The following CAMSAP1 variants were observed in gnomAD, a reference collection of about 807,000 sequenced individuals.
The protein encoded by CAMSAP1 is calmodulin regulated spectrin associated protein 1.
CAMSAP1 carries 58 observed loss-of-function variants against 143.5 expected under a neutral mutation model. The observed-to-expected ratio is 0.40, with a 90% CI of 0.33 to 0.50. CAMSAP1 has a LOEUF of 0.50. Among genes scored for constraint, CAMSAP1 ranks in the 20% least tolerant of loss-of-function variants. The pLI, the probability that CAMSAP1 is intolerant of heterozygous loss-of-function variation, is 0.45. For missense variants in CAMSAP1, 1,969 were observed against 2,115.7 expected, an observed-to-expected ratio of 0.93 and a Z score of 1.36; for synonymous variants, 945 against 859.3, an observed-to-expected ratio of 1.10 and a Z score of -1.74.
intron 5 of CAMSAP1, among the ~76,000 whole-genome samples, chr9:135,855,319 C>T (rs1469766153): frequency 6.6e-6 from 1 of 152,160 alleles, no homozygotes; most frequent in Non-Finnish European, 1.5e-5. Flanking sequence ...AGTGAGAACA[C>T]GCAGTATTTG....
At chr9:135,856,694 C>G (rs964340636) in intron 5 of CAMSAP1, among the ~76,000 whole-genome samples, 12 of 152,232 alleles carry the variant, frequency 7.9e-5, no homozygotes, top group Non-Finnish European at 4.4e-5. Context: ...AGTCTCTATA[C>G]ACCATAACTA....
chr9:135,866,075 G>A (rs574951352), intron 4 of CAMSAP1, among the ~76,000 whole-genome samples: 1 of 152,322 alleles, frequency 6.6e-6, no homozygotes, highest in Non-Finnish European at 1.5e-5. Flanking sequence ...CACCAGCTAC[G>A]CTGTACCTCA....
At chr9:135,901,915 C>T (rs934707790) in intron 1 of CAMSAP1, among the ~76,000 whole-genome samples, 3 of 152,222 alleles carry the variant, frequency 2.0e-5, no homozygotes, top group African/African-American at 7.2e-5. Flanking sequence ...CTACTCAGTA[C>T]ACCCGAAGAC....
intron 7 of CAMSAP1, among the ~76,000 whole-genome samples, chr9:135,835,887 G>T (rs993019036): frequency 1.3e-5 from 2 of 152,174 alleles, no homozygotes; most frequent in Admixed American, 6.5e-5. Flanking sequence ...GATTGAGGCA[G>T]GAGAATCACT....
At chr9:135,899,982 C>T (rs753356971) in intron 1 of CAMSAP1, among the ~76,000 whole-genome samples, 18 of 152,156 alleles carry the variant, frequency 1.2e-4, no homozygotes, top group Middle Eastern at 3.2e-3. Flanking sequence ...GAAAAGGATA[C>T]GAAGGGCCCC....
In CAMSAP1 at chr9:135,827,455, G is replaced by A. The variant is rs190319260; in HGVS notation, c.1175C>T (p.Ala392Val). 6.0e-5 allele frequency: 96 copies of A among 1,602,248 alleles called. No homozygotes were observed. In the East Asian group the frequency reaches 1.8e-3, roughly 30 times the overall value. Residue 392 changes from alanine to valine, a missense_variant, in exon 8 of 17, where the codon GCG (alanine) becomes GTG (valine). Ala to Val is a moderately conservative substitution (Grantham distance 64). This residue lies in a region of CAMSAP1 where 1,390 missense variants were observed against 1,420.8 expected (regional missense o/e 0.98). Coordinates refer to ENST00000389532, the MANE Select transcript of CAMSAP1 (RefSeq NM_015447.4). ...AELQPPVQLP[A>V]EGCHRHYLHP... ...CAGGTAGTGCCTGTGACAGCCTTCCGCCGGCAGCTGCACGGGGGGCTGCAG... is the reference window on the plus strand; with the variant it reads ...CAGGTAGTGCCTGTGACAGCCTTCCACCGGCAGCTGCACGGGGGGCTGCAG...
chr9:135,906,576 A>G (rs1207232115), intron 1 of CAMSAP1, among the ~76,000 whole-genome samples: 2 of 152,246 alleles, frequency 1.3e-5, no homozygotes, highest in Non-Finnish European at 2.9e-5. Context: ...ATCAAAATTC[A>G]TAACAAGTGC....
At chr9:135,861,871 ACAGT>A (rs796113027) in intron 5 of CAMSAP1, among the ~76,000 whole-genome samples, 8 of 152,310 alleles carry the variant, frequency 5.3e-5, no homozygotes, top group African/African-American at 1.9e-4. Flanking sequence ...CGTGCTGGTG[ACAGT>A]CACTCTCTCT....
At chr9:135,896,633 A>T (rs952800963) in intron 1 of CAMSAP1, among the ~76,000 whole-genome samples, 20 of 152,252 alleles carry the variant, frequency 1.3e-4, no homozygotes, top group Admixed American at 1.3e-3. Context: ...GACAAACCTT[A>T]ACAAGTATAA....
chr9:135,818,265 T>C lies in CAMSAP1; in HGVS notation c.4168+143A>G, dbSNP rs144004967. 1.2e-4 allele frequency: 131 copies of C among 1,111,710 alleles called. No homozygotes were observed. The highest frequency in any genetic ancestry group is 1.9e-4 in the African/African-American group (12 of 64,184). 68.9% of individuals were successfully genotyped at this position (1,111,710 alleles called of 1,614,324 possible). On this transcript the variant is annotated intron_variant, in intron 13 of 16. Transcript: ENST00000389532. The surrounding 1 kb of genome is among the most constrained non-coding windows in gnomAD (Gnocchi z 7.7). ...CATCTCAGAGCATCTGGTCTCAACA[T>C]TGTCATCCATGAAACGGGGATAATC...
chr9:135,866,407 G>T, intron 4 of CAMSAP1, 49 bp downstream of exon 4: 1 of 892,848 alleles, frequency 1.1e-6, no homozygotes, highest in Non-Finnish European at 1.8e-6. Context: ...TTAAAATTGG[G>T]ACCAACATTA....
chr9:135,820,836 T>TAC lies in CAMSAP1; in HGVS notation c.3822+1_3822+2dup. 1.2e-6 allele frequency: 2 copies of TAC among 1,612,214 alleles called. No homozygotes were observed. The highest frequency in any genetic ancestry group is 2.2e-5 in the East Asian group (1 of 44,868). The stretch of plus-strand genomic sequence containing the variant: ...CCTGAAACAGATGCTACCAATCCCT[T>TAC]ACCTTGAAGAAGAAGCCGACCCCCG... On this transcript the variant is annotated splice_region_variant and intron_variant, in intron 11 of 16. Transcript: ENST00000389532. This position sits in a 1 kb window ranked among gnomAD's most constrained non-coding sequence, Gnocchi z 4.4.
In CAMSAP1 at chr9:135,817,453, C is replaced by G. The variant is rs141795650; in HGVS notation, c.4271+524G>C. Among the ~76,000 whole-genome samples the G allele has an allele frequency of 3.5e-3, 533 of 152,018 alleles. 4 individuals carry two copies. The highest frequency in any genetic ancestry group is 0.014 in the Middle Eastern group (4 of 294). On this transcript the variant is annotated intron_variant, in intron 14 of 16. Coordinates refer to ENST00000389532, the MANE Select transcript of CAMSAP1 (RefSeq NM_015447.4). The stretch of plus-strand genomic sequence containing the variant: ...GTTGCCCAGGCTGGAGTGCAGTAGC[C>G]TGAGCACAGCTCACTGCAGCCTCAA...
rs562294897 is a variant in CAMSAP1, at chr9:135,822,036, T to C, written c.2625A>G (p.Ala875=). 9 of 1,612,798 alleles carry C rather than the reference T, an allele frequency of 5.6e-6. No individual in the cohort carries two copies. The highest frequency in any genetic ancestry group is 1.6e-4 in the Middle Eastern group (1 of 6,062). Residue 875 remains alanine (A), a synonymous_variant, in exon 11 of 17, where the codon GCA becomes GCG. Coordinates refer to ENST00000389532, the MANE Select transcript of CAMSAP1 (RefSeq NM_015447.4). This position sits in a 1 kb window ranked among gnomAD's most constrained non-coding sequence, Gnocchi z 6.1. ...QHGKDPASLL[A]SELVQLHMQL... The stretch of plus-strand genomic sequence containing the variant: ...GCATGTGCAGCTGTACCAGCTCAGA[T>C]GCCAGGAGGCTGGCGGGATCCTTGC...
chr9:135,898,805 T>G (rs973793592), intron 1 of CAMSAP1, among the ~76,000 whole-genome samples: 9 of 152,212 alleles, frequency 5.9e-5, no homozygotes, highest in African/African-American at 2.2e-4. Flanking sequence ...CTGGGCACTT[T>G]CTTACAAAGT....
intron 1 of CAMSAP1, among the ~76,000 whole-genome samples, chr9:135,889,776 G>A (rs1183095099): frequency 2.6e-5 from 4 of 152,190 alleles, no homozygotes; most frequent in Non-Finnish European, 5.9e-5. Flanking sequence ...TGGTTAGAGT[G>A]GAGCACAAAC....
intron 7 of CAMSAP1, among the ~76,000 whole-genome samples, chr9:135,828,691 C>G (rs1171807352): frequency 6.6e-6 from 1 of 152,206 alleles, no homozygotes; most frequent in African/African-American, 2.4e-5. Context: ...GGCCAGTATC[C>G]CTGCTGGCCC....
intron 1 of CAMSAP1, among the ~76,000 whole-genome samples, chr9:135,899,795 CTA>C (rs1838563848): frequency 6.6e-6 from 1 of 152,116 alleles, no homozygotes; most frequent in Non-Finnish European, 1.5e-5. Context: ...TCTCACACAC[CTA>C]GACTACAAAC....
At chr9:135,900,331 TAA>T (rs1202145765) in intron 1 of CAMSAP1, among the ~76,000 whole-genome samples, 6 of 152,054 alleles carry the variant, frequency 3.9e-5, no homozygotes, top group Non-Finnish European at 7.4e-5. Flanking sequence ...CCCCCAGATA[TAA>T]GTTTAATTTT....
Sources: allele counts gnomAD v4.1 joint callset (sites outside exome capture counted in the v4.1 genomes callset), GRCh38; gene constraint gnomAD v4.1.1; regional missense constraint gnomAD v4.1.1; non-coding constraint Gnocchi (gnomAD v3.1); transcripts MANE v1.5; gene names NCBI Gene and HGNC (gene_info 2026-07-23, HGNC 2026-07-21).